The following PPP1R21 variants were observed in gnomAD, a reference collection of about 807,000 sequenced individuals.
PPP1R21 encodes KLRAQ motif containing 1.
Under a neutral mutation model 112.8 loss-of-function variants are expected in PPP1R21, and 85 were observed. The ratio of observed to expected loss-of-function variants is 0.75; its 90% CI spans 0.63 to 0.90. The LOEUF (loss-of-function observed/expected upper bound fraction) is 0.90. Ranked by LOEUF, PPP1R21 falls within the 40% of genes least tolerant of loss-of-function variation. The pLI is 0.00. For missense variants in PPP1R21, 1,199 were observed against 901.5 expected (o/e 1.33, Z -4.23); for synonymous variants, 381 against 322.3 (o/e 1.18, Z -1.95).
intron 13 of PPP1R21, among the ~76,000 whole-genome samples, chr2:48,483,195 C>CTTTTTTTTTTTTTTT (rs755036470): frequency 4.9e-5 from 4 of 80,916 alleles, no homozygotes; most frequent in African/African-American, 1.0e-4. Context: ...CTTTTTTTTC[C>CTTTTTTTTTTTTTTT]TTTTTTTTTT....
chr2:48,468,829 A>ATGTGTGTGTGTG (rs113373775), intron 9 of PPP1R21, among the ~76,000 whole-genome samples: 3,330 of 146,480 alleles, frequency 0.023, 56 homozygotes, highest in African/African-American at 0.042. Context: ...AAAAAAATGT[A>ATGTGTGTGTGTG]TGTGTGTGTG....
intron 14 of PPP1R21, among the ~76,000 whole-genome samples, chr2:48,489,670 T>C (rs1669467769): frequency 6.6e-6 from 1 of 152,000 alleles, no homozygotes; most frequent in Non-Finnish European, 1.5e-5. Flanking sequence ...AACTGCACTT[T>C]GGGCTGGGCA....
intron 13 of PPP1R21, among the ~76,000 whole-genome samples, chr2:48,485,327 A>G (rs1669236597): frequency 6.6e-6 from 1 of 152,092 alleles, no homozygotes; most frequent in African/African-American, 2.4e-5. Flanking sequence ...AACAAAAAGC[A>G]TTCAGCATCC....
chr2:48,510,904 C>G (rs879309883), intron 20 of PPP1R21, among the ~76,000 whole-genome samples: 2 of 152,194 alleles, frequency 1.3e-5, no homozygotes, highest in Admixed American at 1.3e-4. Context: ...AATTATGAAT[C>G]TACTTTGGAG....
intron 13 of PPP1R21, among the ~76,000 whole-genome samples, chr2:48,484,607 C>T (rs1332075277): frequency 1.3e-5 from 2 of 149,780 alleles, no homozygotes; most frequent in East Asian, 3.9e-4. Context: ...ACCTCCCACT[C>T]TTGGGTTTAA....
At chr2:48,478,970 T>G (rs1014423542) in intron 12 of PPP1R21, among the ~76,000 whole-genome samples, 2 of 152,160 alleles carry the variant, frequency 1.3e-5, no homozygotes, top group Non-Finnish European at 2.9e-5. Flanking sequence ...TTTCTCTAAG[T>G]GACACCCCCT....
At chr2:48,488,573 T>C (rs1192889787) in intron 14 of PPP1R21, among the ~76,000 whole-genome samples, 1 of 152,124 alleles carries the variant, frequency 6.6e-6, no homozygotes, top group Non-Finnish European at 1.5e-5. Flanking sequence ...GATTTCACCA[T>C]GTTAGTCAGG....
intron 18 of PPP1R21, among the ~76,000 whole-genome samples, chr2:48,507,032 T>G (rs1670413142): frequency 6.6e-6 from 1 of 152,024 alleles, no homozygotes; most frequent in African/African-American, 2.4e-5. Context: ...ATTACTTCAG[T>G]TCTGTTTTCT....
chr2:48,462,189 G>A (rs890727493), intron 7 of PPP1R21, among the ~76,000 whole-genome samples: 4 of 152,134 alleles, frequency 2.6e-5, no homozygotes, highest in African/African-American at 9.7e-5. Flanking sequence ...TTGTCACCCT[G>A]TTTTAGGTCC....
At chr2:48,471,793 A>T (rs1295836344) in intron 11 of PPP1R21, among the ~76,000 whole-genome samples, 1 of 152,214 alleles carries the variant, frequency 6.6e-6, no homozygotes, top group Non-Finnish European at 1.5e-5. Context: ...AACCTTTGAT[A>T]TTCTACTTTA....
rs567225553 is a variant in PPP1R21 at position 48,500,362 on chromosome 2, C to G, written c.1935+1627C>G. Among the ~76,000 whole-genome samples the G allele has an allele frequency of 5.3e-5, 8 of 152,030 alleles. No homozygotes were observed. The South Asian group carries it at 1.7e-3, about 32-fold the overall frequency. ...ACAGGCATGCTAGCAATTATTGAAT[C>G]TAGATACTAGATATACAGATGTTTA... On this transcript the variant is annotated intron_variant, in intron 17 of 21. Transcript: ENST00000294952.
At chr2:48,443,426 G>T (rs1171900466) in intron 1 of PPP1R21, among the ~76,000 whole-genome samples, 1 of 152,224 alleles carries the variant, frequency 6.6e-6, no homozygotes, top group Non-Finnish European at 1.5e-5. Flanking sequence ...ACTTTCTAAT[G>T]GACATGGACT....
chr2:48,505,108 A>G (rs550909079), intron 17 of PPP1R21, among the ~76,000 whole-genome samples: 64 of 152,368 alleles, frequency 4.2e-4, no homozygotes, highest in African/African-American at 1.5e-3. Flanking sequence ...CATAATAACT[A>G]TATCAAAAGT....
chr2:48,501,476 T>C (rs896601119), intron 17 of PPP1R21, among the ~76,000 whole-genome samples: 2 of 152,300 alleles, frequency 1.3e-5, no homozygotes, highest in Non-Finnish European at 2.9e-5. Context: ...TCACACAGGA[T>C]TGTAGGTACT....
chr2:48,464,805 T>C (rs1668127170), intron 7 of PPP1R21, 132 bp from the exon 8 acceptor site: 1 of 599,876 alleles, frequency 1.7e-6, no homozygotes, highest in African/African-American at 2.0e-5. Context: ...ATTCCATTAT[T>C]CTGTATTGTT....
In PPP1R21 at chr2:48,486,528, CT is replaced by C. The variant is rs1350249908; in HGVS notation, c.1319-100del. On this transcript the variant is annotated intron_variant, in intron 13 of 21. Coordinates refer to ENST00000294952, the MANE Select transcript of PPP1R21 (RefSeq NM_001135629.3). ...TTGAGACCATTCTTTGTCAAATTTA[CT>C]TTATAAATTTAGAAGAATAGATAGG... The C allele has an allele frequency of 3.5e-5, 31 of 877,298 alleles. 1 individual carries two copies. Among genetic ancestry groups the C allele is most frequent in the African/African-American group, 1.7e-5 (1 of 58,952 alleles). 54.3% of individuals were successfully genotyped at this position (877,298 alleles called of 1,614,324 possible).
chr2:48,473,449 A>G (rs1172158769), intron 11 of PPP1R21, among the ~76,000 whole-genome samples: 3 of 152,142 alleles, frequency 2.0e-5, no homozygotes, highest in Non-Finnish European at 4.4e-5. Flanking sequence ...CATTTTTTCC[A>G]TGATTATGTT....
rs765879338 is a variant in PPP1R21 at position 48,511,404 on chromosome 2, G to A, written c.2249G>A (p.Cys750Tyr). ...TTAAGTATGATGAGTGACCACCTGT[G>A]CAGCATGAATGAGACATTATCTAAA... ...DQLSMMSDHLCSMNETLSKQR... is the reference protein window; with the variant it reads ...DQLSMMSDHLYSMNETLSKQR... Residue 750 changes from cysteine to tyrosine, a missense_variant, in exon 21 of 22, where the codon TGC becomes TAC. Cys to Tyr is a radical substitution (Grantham distance 194). Coordinates refer to ENST00000294952, the MANE Select transcript of PPP1R21 (RefSeq NM_001135629.3). 9 of 1,614,054 alleles carry A rather than the reference G, an allele frequency of 5.6e-6. No homozygotes were observed. The South Asian group carries it at 8.8e-5, about 16-fold the overall frequency.
chr2:48,501,665 C>T (rs376351166), intron 17 of PPP1R21, among the ~76,000 whole-genome samples: 26 of 152,208 alleles, frequency 1.7e-4, no homozygotes, highest in East Asian at 1.5e-3. Context: ...CATTTGTTAG[C>T]CAGGTGTGGT....
Sources: gnomAD v4.1 joint callset for allele counts (sites outside exome capture counted in the v4.1 genomes callset) on GRCh38, gnomAD v4.1.1 for gene constraint, MANE v1.5 for transcripts, NCBI Gene and HGNC (gene_info 2026-07-23, HGNC 2026-07-21) for gene names.